HS2ST1: variants seen among roughly 807,000 people sequenced by gnomAD.
The protein encoded by HS2ST1 is heparan sulfate 2-O-sulfotransferase 1.
In HS2ST1, 18 loss-of-function variants were observed where a neutral mutation model predicts 42.9. The observed-to-expected ratio is 0.42, with a 90% CI of 0.29 to 0.62. The LOEUF (loss-of-function observed/expected upper bound fraction) is 0.62. HS2ST1 is among the 20% of genes least tolerant of loss of function. The pLI is 0.21. For missense variants in HS2ST1, 334 were observed against 433.8 expected (o/e 0.77, Z 2.04); for synonymous variants, 146 against 152.9 (o/e 0.95, Z 0.33).
intron 1 of HS2ST1, among the ~76,000 whole-genome samples, chr1:87,020,849 A>G (rs1051713113): frequency 6.6e-6 from 1 of 152,218 alleles, no homozygotes; most frequent in African/African-American, 2.4e-5. Context: ...AGACTTCAAC[A>G]TATGAATTGG....
chr1:86,971,635 A>C (rs1357464250), intron 1 of HS2ST1, among the ~76,000 whole-genome samples: 1 of 152,174 alleles, frequency 6.6e-6, no homozygotes, highest in African/African-American at 2.4e-5. Flanking sequence ...CACAGCAGAA[A>C]GTTTTGTTCT....
At chr1:87,087,700 C>A (rs1023628405) in intron 3 of HS2ST1, among the ~76,000 whole-genome samples, 31 of 152,196 alleles carry the variant, frequency 2.0e-4, no homozygotes, top group African/African-American at 6.5e-4. Context: ...ACGTTTGCCC[C>A]ATTTTCTACA....
In HS2ST1 at chr1:87,096,778, C is replaced by T. The variant is rs78923894; in HGVS notation, c.589-1060C>T. Among the ~76,000 whole-genome samples the T allele has an allele frequency of 2.8e-3, 425 of 152,328 alleles. 1 individual carries two copies. The highest frequency in any genetic ancestry group is 9.7e-3 in the African/African-American group (404 of 41,574). Reference sequence around the variant, plus strand: ...CAGCTGAGAACCCGTGGGATATCAACACTGTCAGTTTTTCCTTCAAGTGAC... The same window carrying T: ...CAGCTGAGAACCCGTGGGATATCAATACTGTCAGTTTTTCCTTCAAGTGAC... On this transcript the variant is annotated intron_variant, in intron 4 of 6. Transcript: ENST00000370550.
intron 1 of HS2ST1, among the ~76,000 whole-genome samples, chr1:87,051,559 G>T (rs913862665): frequency 1.3e-5 from 2 of 152,040 alleles, no homozygotes; most frequent in Non-Finnish European, 2.9e-5. Flanking sequence ...GCAAAATAAA[G>T]AATATTCTAC....
At chr1:86,959,722 T>C (rs1570446829) in intron 1 of HS2ST1, among the ~76,000 whole-genome samples, 1 of 131,960 alleles carries the variant, frequency 7.6e-6, no homozygotes, top group African/African-American at 2.9e-5. Flanking sequence ...AAAATTAAAG[T>C]CCTTAGATAT....
At chr1:86,938,092 G>C (rs1010351660) in intron 1 of HS2ST1, among the ~76,000 whole-genome samples, 1 of 151,642 alleles carries the variant, frequency 6.6e-6, no homozygotes, top group South Asian at 2.1e-4. Flanking sequence ...AAATCCTCTG[G>C]AAGGAAACAG....
chr1:86,972,784 C>G (rs1570456535), intron 1 of HS2ST1, among the ~76,000 whole-genome samples: 3 of 152,192 alleles, frequency 2.0e-5, no homozygotes, highest in South Asian at 4.1e-4. Context: ...TTATTAACTG[C>G]AGGCCTTATT....
At chr1:87,094,924 G>A (rs1271019475) in intron 4 of HS2ST1, among the ~76,000 whole-genome samples, 1 of 152,078 alleles carries the variant, frequency 6.6e-6, no homozygotes, top group African/African-American at 2.4e-5. Flanking sequence ...TATGAGGACA[G>A]GGCTGTCTGT....
At chr1:87,094,355 A>G (rs149187763) in intron 4 of HS2ST1, among the ~76,000 whole-genome samples, 2 of 152,220 alleles carry the variant, frequency 1.3e-5, no homozygotes, top group Non-Finnish European at 2.9e-5. Context: ...AATTATTAAC[A>G]GTAATAATAG....
chr1:86,921,969 ATC>A (rs1660309308), intron 1 of HS2ST1, among the ~76,000 whole-genome samples: 1 of 152,090 alleles, frequency 6.6e-6, no homozygotes. Flanking sequence ...TAATTTCACA[ATC>A]TCTTTTGTTA....
At chr1:86,920,348 T>G (rs149528970) in intron 1 of HS2ST1, among the ~76,000 whole-genome samples, 3,506 of 152,332 alleles carry the variant, frequency 0.023, 60 homozygotes, top group Middle Eastern at 0.041. Context: ...TTTTTACAAG[T>G]AAGTTCCTGA....
intron 1 of HS2ST1, among the ~76,000 whole-genome samples, chr1:87,038,127 G>A (rs573321955): frequency 2.6e-5 from 4 of 151,894 alleles, no homozygotes; most frequent in East Asian, 1.9e-4. Context: ...ATTTTATTTA[G>A]TTAGGTCACA....
At chr1:87,012,442 G>A (rs571179318) in intron 1 of HS2ST1, among the ~76,000 whole-genome samples, 27 of 152,216 alleles carry the variant, frequency 1.8e-4, no homozygotes, top group Admixed American at 7.9e-4. Flanking sequence ...ATCAGATCTC[G>A]TGAGACTTAT....
At chr1:86,929,096 A>G (rs1660481961) in intron 1 of HS2ST1, among the ~76,000 whole-genome samples, 1 of 151,882 alleles carries the variant, frequency 6.6e-6, no homozygotes, top group Non-Finnish European at 1.5e-5. Flanking sequence ...ATTTAATGTA[A>G]ATGATACTTG....
chr1:86,985,314 C>G (rs976101772), intron 1 of HS2ST1, among the ~76,000 whole-genome samples: 7 of 143,960 alleles, frequency 4.9e-5, no homozygotes, highest in African/African-American at 1.8e-4. Context: ...GAGATCGTGC[C>G]ACTGCACTCC....
intron 1 of HS2ST1, among the ~76,000 whole-genome samples, chr1:87,036,437 T>C (rs1427980812): frequency 2.6e-5 from 4 of 152,152 alleles, no homozygotes; most frequent in Admixed American, 2.0e-4. Context: ...AGAAATACTA[T>C]TCATATTATA....
At chr1:87,072,179 G>C (rs545991211) in intron 1 of HS2ST1, among the ~76,000 whole-genome samples, 62 of 152,144 alleles carry the variant, frequency 4.1e-4, no homozygotes, top group Middle Eastern at 6.8e-3. Flanking sequence ...GAAAAGCATA[G>C]CCATGTGCTA....
In HS2ST1 at chr1:86,941,860, T is replaced by G. The variant is rs193175755; in HGVS notation, c.124+26700T>G. Reference sequence around the variant, plus strand: ...TGTTTTCCTCTGTTCTGCTCACAGGTAACTGCCAAGTAGAGTTTATCTTTT... The same window carrying G: ...TGTTTTCCTCTGTTCTGCTCACAGGGAACTGCCAAGTAGAGTTTATCTTTT... On this transcript the variant is annotated intron_variant, in intron 1 of 6. Coordinates refer to ENST00000370550, the MANE Select transcript of HS2ST1 (RefSeq NM_012262.4). Among the ~76,000 whole-genome samples, 367 of 152,324 alleles carry G rather than the reference T, an allele frequency of 2.4e-3. 5 individuals carry two copies. The highest frequency in any genetic ancestry group is 0.022 in the Admixed American group (339 of 15,298).
chr1:87,058,123 G>A (rs958383772), intron 1 of HS2ST1, among the ~76,000 whole-genome samples: 4 of 151,580 alleles, frequency 2.6e-5, no homozygotes, highest in Admixed American at 2.6e-4. Context: ...ACTTATCTCA[G>A]GGTTATGCAA....
Sources: allele counts gnomAD v4.1 joint callset (sites outside exome capture counted in the v4.1 genomes callset), GRCh38; gene constraint gnomAD v4.1.1; transcripts MANE v1.5; gene names NCBI Gene and HGNC (gene_info 2026-07-23, HGNC 2026-07-21).